The following SPPL2B variants were observed in gnomAD, a reference collection of about 807,000 sequenced individuals.
The protein encoded by SPPL2B is signal peptide peptidase like 2B.
SPPL2B carries 39 observed loss-of-function variants against 59.7 expected under a neutral mutation model. That is an observed-to-expected ratio of 0.65 (90% CI 0.51 to 0.85). The LOEUF (loss-of-function observed/expected upper bound fraction) is 0.85, where lower values mean the gene tolerates loss of function less well. Among genes scored for constraint, SPPL2B ranks in the 40% least tolerant of loss-of-function variants. The pLI is 0.00. For missense variants in SPPL2B, 865 were observed against 849.0 expected (o/e 1.02, Z -0.23); for synonymous variants, 419 against 370.8 (o/e 1.13, Z -1.49).
At position 2,334,619 on chromosome 19, in the gene SPPL2B, C is replaced by T. The variant is rs764732918; in HGVS notation, c.84C>T (p.Gly28=). The T allele has an allele frequency of 3.7e-6, 6 of 1,612,536 alleles. No homozygotes were observed. Among genetic ancestry groups the T allele is most frequent in the Non-Finnish European group, 5.1e-6 (6 of 1,179,404 alleles). Residue 28 remains glycine, a synonymous_variant, in exon 2 of 15, where the codon GGC becomes GGT. Transcript: ENST00000613503. The part of the protein sequence containing the change: ...LLAAQVACEY[G]MVHVVSQAGG... ...TCCTGCAGGTGGCCTGTGAGTACGG[C>T]ATGGTGCACGTGGTCTCCCAGGCCG...
At position 2,347,231 on chromosome 19, in the gene SPPL2B, G is replaced by A. The variant is rs796841445; in HGVS notation, c.1354+1901G>A. On this transcript the variant is annotated intron_variant, in intron 13 of 14. Transcript: ENST00000613503. ...TCTCCCTCCACACACACACTCACGCGCTCTCATTCGCTTGATGCCGTTCTC... is the reference window on the plus strand; with the variant it reads ...TCTCCCTCCACACACACACTCACGCACTCTCATTCGCTTGATGCCGTTCTC... Among the ~76,000 whole-genome samples, 55 of 92,524 alleles carry A rather than the reference G, an allele frequency of 5.9e-4. No homozygotes were observed. In the South Asian group the frequency reaches 7.7e-3, roughly 13 times the overall value. 60.7% of individuals were successfully genotyped at this position (92,524 alleles called of 152,430 possible). A position where few individuals can be genotyped will look rare whatever the true frequency, so the allele number is the denominator to read the frequency against.
intron 1 of SPPL2B, among the ~76,000 whole-genome samples, chr19:2,329,283 C>T (rs2145131777): frequency 6.6e-6 from 1 of 152,334 alleles, no homozygotes; most frequent in South Asian, 2.1e-4. Flanking sequence ...GGAGTCCAGC[C>T]CTGCACTGGG....
chr19:2,338,400 A>G (rs1374489731), intron 3 of SPPL2B: 2 of 179,196 alleles, frequency 1.1e-5, no homozygotes, highest in Admixed American at 6.1e-5. Context: ...AGAGGCCCTC[A>G]GTGGGTGCGG....
chr19:2,343,150 G>A (rs1330209526), intron 8 of SPPL2B, 61 bp from the exon 9 acceptor site: 4 of 1,372,342 alleles, frequency 2.9e-6, no homozygotes, highest in East Asian at 2.5e-5. Flanking sequence ...GCTCGTGGGA[G>A]GCGGCGTCCT....
At position 2,354,103 on chromosome 19, in the gene SPPL2B, C is replaced by T. The variant is rs1970067746; in HGVS notation, c.*894C>T. 1 of 152,258 alleles carries T rather than the reference C, an allele frequency of 6.6e-6. No homozygotes were observed. The highest frequency in any genetic ancestry group is 1.5e-5 in the Non-Finnish European group (1 of 68,088). The allele number at this position is 152,258 out of a possible 1,614,324, so 9.4% of individuals were successfully genotyped here. Reference sequence around the variant, plus strand: ...AGCTCCCGGCACCCAACCTCGCTTCCCGTGTGGGCCCCGTGTTGCTTTTCT... The same window carrying T: ...AGCTCCCGGCACCCAACCTCGCTTCTCGTGTGGGCCCCGTGTTGCTTTTCT... On this transcript the variant is annotated 3_prime_UTR_variant, in exon 15 of 15. Transcript: ENST00000613503.
chr19:2,335,313 T>C (rs1284931762), intron 2 of SPPL2B, among the ~76,000 whole-genome samples: 14 of 103,088 alleles, frequency 1.4e-4, no homozygotes, highest in African/African-American at 5.0e-4. Flanking sequence ...CCTTTCCCAC[T>C]GCATCCTTCA....
chr19:2,334,705 A>C lies in SPPL2B; in HGVS notation c.170A>C (p.His57Pro), dbSNP rs762561500. The C allele has an allele frequency of 6.2e-7, 1 of 1,609,192 alleles. No individual in the cohort carries two copies. Among genetic ancestry groups the C allele is most frequent in the East Asian group, 2.2e-5 (1 of 44,628 alleles). Reference protein sequence around the residue: ...LYNPQWAHLPHDLSKASFLQL... With the variant: ...LYNPQWAHLPPDLSKASFLQL... ...AACCCGCAGTGGGCCCATCTTCCGC[A>C]CGACCTCAGCAAGGCAGTGAGTACC... The change falls in exon 2 of 15, where the codon CAC (histidine) becomes CCC (proline). Residue 57 changes from histidine (H) to proline (P), a missense_variant. Coordinates refer to ENST00000613503, the MANE Select transcript of SPPL2B (RefSeq NM_152988.3).
chr19:2,334,580 G>T (rs751520681), intron 1 of SPPL2B, 22 bp from the exon 2 acceptor site: 2 of 1,601,512 alleles, frequency 1.2e-6, no homozygotes, highest in African/African-American at 1.3e-5. Flanking sequence ...CTGTGGCTCT[G>T]ACTGCTGGCC....
chr19:2,331,832 G>A (rs1968307281), intron 1 of SPPL2B, among the ~76,000 whole-genome samples: 1 of 152,232 alleles, frequency 6.6e-6, no homozygotes, highest in Non-Finnish European at 1.5e-5. Flanking sequence ...GGTTTCTCCT[G>A]TTGTTCTTCC....
In SPPL2B at chr19:2,339,744, C is replaced by A. The variant is rs1378220812; in HGVS notation, c.600-80C>A. The stretch of plus-strand genomic sequence containing the variant: ...CTGCTCCCGGGTTTTCTGCCCCGTT[C>A]CCCCGGGTGGCTGTGGGCTCCCGAG... On this transcript the variant is annotated intron_variant, in intron 5 of 14. Coordinates refer to ENST00000613503, the MANE Select transcript of SPPL2B (RefSeq NM_152988.3). 4 of 1,519,894 alleles carry A rather than the reference C, an allele frequency of 2.6e-6. No homozygotes were observed. The East Asian group carries it at 7.3e-5, about 28-fold the overall frequency. 94.2% of individuals were successfully genotyped at this position (1,519,894 alleles called of 1,614,324 possible). A position where few individuals can be genotyped will look rare whatever the true frequency, so the allele number is the denominator to read the frequency against.
Position 2,341,029 on chromosome 19 carries a change from C to A in SPPL2B, c.956+15C>A, listed in dbSNP as rs760073233. On this transcript the variant is annotated intron_variant, in intron 8 of 14. Transcript: ENST00000613503. ...AACGAGGACCAGTAAGTGCTGCTTC[C>A]CCCGGGCCCCGGCGGGCAGCGGAGT... The A allele has an allele frequency of 2.5e-6, 4 of 1,586,388 alleles. No homozygotes were observed. Among genetic ancestry groups the A allele is most frequent in the Non-Finnish European group, 3.4e-6 (4 of 1,165,250 alleles).
intron 13 of SPPL2B, among the ~76,000 whole-genome samples, chr19:2,349,735 TTC>T (rs1455918430): frequency 1.5e-4 from 19 of 130,626 alleles, no homozygotes; most frequent in East Asian, 9.1e-4. Context: ...CTTGATTCCG[TTC>T]TCTCTCTCCA....
rs111785886 is a variant in SPPL2B, at chr19:2,353,277, G to GAGAC, written c.*81_*84dup. 3.3e-6 allele frequency: 5 copies of GAGAC among 1,514,304 alleles called. No individual in the cohort carries two copies. The African/African-American group carries it at 5.6e-5, about 17-fold the overall frequency. The allele number at this position is 1,514,304 out of a possible 1,614,324, so 93.8% of individuals were successfully genotyped here. A position where few individuals can be genotyped will look rare whatever the true frequency, so the allele number is the denominator to read the frequency against. On this transcript the variant is annotated 3_prime_UTR_variant, in exon 15 of 15. Transcript: ENST00000613503. The stretch of plus-strand genomic sequence containing the variant: ...TGTTGGGGCTGCCTGGCGCCCACTG[G>GAGAC]AGACAGACAGACAGACGCCTGTCCC...
chr19:2,348,720 A>G lies in SPPL2B; in HGVS notation c.1355-2714A>G, dbSNP rs867955902. Among the ~76,000 whole-genome samples, 458 of 82,246 alleles carry G rather than the reference A, an allele frequency of 5.6e-3. 1 individual carries two copies. The highest frequency in any genetic ancestry group is 0.028 in the African/African-American group (427 of 15,058). 54.0% of individuals were successfully genotyped at this position (82,246 alleles called of 152,430 possible). On this transcript the variant is annotated intron_variant, in intron 13 of 14. Transcript: ENST00000613503. Reference sequence around the variant, plus strand: ...TTCCGTTCTCTCTCCACACACACTCACGCTCTCATTCGCTTGATTCCGTTC... The same window carrying G: ...TTCCGTTCTCTCTCCACACACACTCGCGCTCTCATTCGCTTGATTCCGTTC...
chr19:2,336,534 CGT>C (rs1014326254), intron 2 of SPPL2B, among the ~76,000 whole-genome samples: 4 of 150,884 alleles, frequency 2.7e-5, no homozygotes, highest in African/African-American at 7.3e-5. Flanking sequence ...GTTCATGTGG[CGT>C]GTGTGTATGC....
chr19:2,338,968 G>A (rs1968831309), intron 4 of SPPL2B, 101 bp from the exon 5 acceptor site: 2 of 1,501,296 alleles, frequency 1.3e-6, no homozygotes, highest in South Asian at 2.5e-5. Flanking sequence ...GGCCCCTGCA[G>A]GCCAGGGTCT....
rs1404458007 is a variant in SPPL2B, at chr19:2,345,303, A to C, written c.1327A>C (p.Arg443=). The C allele has an allele frequency of 6.2e-7, 1 of 1,612,992 alleles. No individual in the cohort carries two copies. Among genetic ancestry groups the C allele is most frequent in the Non-Finnish European group, 8.5e-7 (1 of 1,179,722 alleles). The change falls in exon 13 of 15, where the codon AGG becomes CGG. Residue 443 remains arginine, a synonymous_variant. Transcript: ENST00000613503. ...GTTTGACATCCAGGTACAGTCCTCCAGGGTATACTTCGTGGCCTGCACCAT... is the reference window on the plus strand; with the variant it reads ...GTTTGACATCCAGGTACAGTCCTCCCGGGTATACTTCGTGGCCTGCACCAT... ...HRFDIQVQSS[R]VYFVACTIAY... is the part of the protein sequence containing the mutation.
rs151046411 is a variant in SPPL2B at position 2,333,299 on chromosome 19, C to T, written c.67-1303C>T. 2.2e-3 allele frequency among the ~76,000 whole-genome samples: 317 copies of T among 141,098 alleles called. 3 individuals are homozygous for T. The highest frequency in any genetic ancestry group is 0.018 in the Middle Eastern group (4 of 228). The allele number at this position is 141,098 out of a possible 152,430, so 92.6% of individuals were successfully genotyped here. On this transcript the variant is annotated intron_variant, in intron 1 of 14. Transcript: ENST00000613503. ...CAGGAGGAGGTGGGGACGGCAGGTG[C>T]GGGAGGCTGGACTGGGCTTTGCGGG...
At chr19:2,333,816 C>T (rs1477676215) in intron 1 of SPPL2B, among the ~76,000 whole-genome samples, 1 of 152,234 alleles carries the variant, frequency 6.6e-6, no homozygotes, top group Non-Finnish European at 1.5e-5. Flanking sequence ...ACTTGAAGCC[C>T]TGGCTGGCTG....
Sources: allele counts gnomAD v4.1 joint callset (sites outside exome capture counted in the v4.1 genomes callset), GRCh38; gene constraint gnomAD v4.1.1; transcripts MANE v1.5; gene names NCBI Gene and HGNC (gene_info 2026-07-23, HGNC 2026-07-21).